The following ADAMTSL1 variants were observed in gnomAD, a reference collection of about 807,000 sequenced individuals.
ADAMTSL1 encodes ADAMTS-like protein 1.
Under a neutral mutation model 201.8 loss-of-function variants are expected in ADAMTSL1, and 126 were observed. The ratio of observed to expected loss-of-function variants is 0.62; its 90% CI spans 0.54 to 0.72. ADAMTSL1 has a LOEUF of 0.72. Among genes scored for constraint, ADAMTSL1 ranks in the 30% least tolerant of loss-of-function variants. The pLI, the probability that ADAMTSL1 is intolerant of heterozygous loss-of-function variation, is 0.00. For missense variants in ADAMTSL1, 2,679 were observed against 2,277.8 expected (o/e 1.18, Z -3.59); for synonymous variants, 1,121 against 903.4 (o/e 1.24, Z -4.32).
chr9:18,089,466 G>A (rs546813269), intron 1 of ADAMTSL1, among the ~76,000 whole-genome samples: 1 of 151,926 alleles, frequency 6.6e-6, no homozygotes, highest in Admixed American at 6.6e-5. Context: ...GGCCTGTCGG[G>A]GGGTGGGGAG....
chr9:17,909,208 A>G (rs1377423954), intron 1 of ADAMTSL1, among the ~76,000 whole-genome samples: 1 of 146,982 alleles, frequency 6.8e-6, no homozygotes, highest in Admixed American at 6.8e-5. Context: ...TTCATTGTAG[A>G]TTCTGGGTAT....
At chr9:18,121,892 C>G (rs1008819277) in intron 1 of ADAMTSL1, among the ~76,000 whole-genome samples, 6 of 152,134 alleles carry the variant, frequency 3.9e-5, no homozygotes, top group Non-Finnish European at 8.8e-5. Flanking sequence ...TTCATCTCCT[C>G]CAAAAGATCC....
intron 2 of ADAMTSL1, among the ~76,000 whole-genome samples, chr9:18,245,734 C>T (rs1831238166): frequency 6.8e-6 from 1 of 147,890 alleles, no homozygotes; most frequent in Admixed American, 6.8e-5. Context: ...GTAAAATTAA[C>T]AAAAAGCAAA....
At chr9:18,095,391 T>A (rs1824201225) in intron 1 of ADAMTSL1, among the ~76,000 whole-genome samples, 1 of 150,584 alleles carries the variant, frequency 6.6e-6, no homozygotes, top group South Asian at 2.1e-4. Context: ...TTTTTAGTAA[T>A]CCCTGATAAG....
chr9:18,372,719 A>G (rs994284924), intron 2 of ADAMTSL1, among the ~76,000 whole-genome samples: 1 of 152,206 alleles, frequency 6.6e-6, no homozygotes, highest in Non-Finnish European at 1.5e-5. Flanking sequence ...GCTTGCTCCC[A>G]TCTATCGTAG....
At chr9:18,895,290 G>T (rs542119809) in intron 26 of ADAMTSL1, among the ~76,000 whole-genome samples, 5 of 152,280 alleles carry the variant, frequency 3.3e-5, no homozygotes, top group African/African-American at 1.2e-4. Context: ...AAAACAACTA[G>T]ACACTGGCTA....
At chr9:18,646,680 G>T (rs978772399) in intron 7 of ADAMTSL1, among the ~76,000 whole-genome samples, 1 of 151,262 alleles carries the variant, frequency 6.6e-6, no homozygotes, top group Non-Finnish European at 1.5e-5. Context: ...CTGTTTATAT[G>T]CTGGATTACA....
intron 1 of ADAMTSL1, among the ~76,000 whole-genome samples, chr9:18,090,028 A>C (rs556959183): frequency 6.6e-6 from 1 of 152,332 alleles, no homozygotes; most frequent in Non-Finnish European, 1.5e-5. Flanking sequence ...ATTTGTTAGC[A>C]CTTTCATTTT....
At chr9:18,221,800 T>G (rs972452028) in intron 2 of ADAMTSL1, among the ~76,000 whole-genome samples, 2 of 152,128 alleles carry the variant, frequency 1.3e-5, no homozygotes, top group African/African-American at 4.8e-5. Context: ...CTTAGATTAA[T>G]GTTATTTTAT....
At chr9:18,094,051 A>T (rs1824137370) in intron 1 of ADAMTSL1, among the ~76,000 whole-genome samples, 1 of 152,218 alleles carries the variant, frequency 6.6e-6, no homozygotes, top group Non-Finnish European at 1.5e-5. Context: ...GACACTGATG[A>T]GAGACCAGTT....
intron 16 of ADAMTSL1, among the ~76,000 whole-genome samples, chr9:18,768,503 T>G (rs768190477): frequency 6.7e-6 from 1 of 149,476 alleles, no homozygotes; most frequent in Non-Finnish European, 1.5e-5. Context: ...ACCTAGCTTG[T>G]AGGGTCATTT....
chr9:18,469,936 T>A (rs1278310268), upstream of ADAMTSL1, among the ~76,000 whole-genome samples: 1 of 152,236 alleles, frequency 6.6e-6, no homozygotes, highest in Non-Finnish European at 1.5e-5. Context: ...TAACCCATCA[T>A]TAAAAACATC....
intron 9 of ADAMTSL1, among the ~76,000 whole-genome samples, chr9:18,668,347 A>T (rs1829594938): frequency 6.6e-6 from 1 of 152,208 alleles, no homozygotes; most frequent in Non-Finnish European, 1.5e-5. Context: ...ATGCTTATAG[A>T]TACACCACAC....
intron 2 of ADAMTSL1, among the ~76,000 whole-genome samples, chr9:18,190,598 T>TG (rs1274416156): frequency 2.6e-5 from 4 of 152,232 alleles, no homozygotes; most frequent in African/African-American, 9.6e-5. Context: ...TTTCTCGCAC[T>TG]GAGTCTAACA....
intron 4 of ADAMTSL1, among the ~76,000 whole-genome samples, chr9:18,618,961 G>A (rs1252307188): frequency 6.6e-6 from 1 of 152,168 alleles, no homozygotes; most frequent in East Asian, 1.9e-4. Flanking sequence ...CTGCCACATG[G>A]AGGTATGAAG....
At chr9:18,847,762 G>T (rs1826225045) in intron 23 of ADAMTSL1, among the ~76,000 whole-genome samples, 2 of 152,346 alleles carry the variant, frequency 1.3e-5, no homozygotes, top group South Asian at 4.1e-4. Context: ...AAAAAGGCCA[G>T]TGTGGCCACA....
intron 2 of ADAMTSL1, among the ~76,000 whole-genome samples, chr9:18,439,001 T>G (rs1039835957): frequency 1.1e-4 from 17 of 151,956 alleles, no homozygotes; most frequent in African/African-American, 3.9e-4. Context: ...GTTTTTTTTT[T>G]TTTCTTTTTT....
intron 2 of ADAMTSL1, among the ~76,000 whole-genome samples, chr9:18,381,660 A>C (rs929338322): frequency 2.0e-5 from 3 of 152,150 alleles, no homozygotes; most frequent in Non-Finnish European, 4.4e-5. Context: ...AAATGCGTGT[A>C]GAAATGTGGA....
At chr9:18,163,918 A>G (rs980762569) in exon 2 of ADAMTSL1, 1 of 151,986 alleles carries the variant, frequency 6.6e-6, no homozygotes, top group Non-Finnish European at 1.5e-5. Flanking sequence ...CACTGATTCG[A>G]AGAGAGAGCC....
Sources: allele counts gnomAD v4.1 joint callset (sites outside exome capture counted in the v4.1 genomes callset), GRCh38; gene constraint gnomAD v4.1.1; transcripts MANE v1.5; gene names NCBI Gene and HGNC (gene_info 2026-07-23, HGNC 2026-07-21).